The following PRR16 variants were observed in gnomAD, a reference collection of about 807,000 sequenced individuals.
The protein encoded by PRR16 is protein Largen.
Under a neutral mutation model 18.2 loss-of-function variants are expected in PRR16, and 6 were observed. That is an observed-to-expected ratio of 0.33 (90% CI 0.18 to 0.65). The LOEUF (loss-of-function observed/expected upper bound fraction) is 0.65, where lower values mean the gene tolerates loss of function less well. Among genes scored for constraint, PRR16 ranks in the 30% least tolerant of loss-of-function variants. The pLI is 0.74. For missense variants in PRR16, 412 were observed against 376.6 expected (o/e 1.09, Z -0.78); for synonymous variants, 151 against 147.8 (o/e 1.02, Z -0.16).
chr5:120,490,472 G>A (rs1293079478), intron 1 of PRR16, among the ~76,000 whole-genome samples: 11 of 152,096 alleles, frequency 7.2e-5, no homozygotes, highest in Non-Finnish European at 1.0e-4. Context: ...TATTCGTCAC[G>A]TGGTTCTCGT....
the PRR16 span, among the ~76,000 whole-genome samples, chr5:120,742,876 C>T: frequency 1.3e-5 from 2 of 152,222 alleles, no homozygotes; most frequent in African/African-American, 2.4e-5. Flanking sequence ...CTAGAGGTTG[C>T]CCACATAACT....
At chr5:120,763,532 CTGTT>C in the PRR16 span, among the ~76,000 whole-genome samples, 15 of 152,144 alleles carry the variant, frequency 9.9e-5, no homozygotes, top group South Asian at 6.2e-4. Flanking sequence ...ATTGCTTTGA[CTGTT>C]TGAGCTTTCT....
chr5:120,545,895 T>C (rs921222159), intron 1 of PRR16, among the ~76,000 whole-genome samples: 2 of 152,104 alleles, frequency 1.3e-5, no homozygotes, highest in Non-Finnish European at 2.9e-5. Flanking sequence ...GCCAATTTCT[T>C]ATTAAGTAAT....
At chr5:120,784,056 T>G in the PRR16 span, among the ~76,000 whole-genome samples, 2 of 152,346 alleles carry the variant, frequency 1.3e-5, no homozygotes, top group East Asian at 3.9e-4. Context: ...ACTTTATGGC[T>G]GAATAATATT....
At chr5:120,753,738 A>G in the PRR16 span, among the ~76,000 whole-genome samples, 1 of 148,256 alleles carries the variant, frequency 6.7e-6, no homozygotes, top group Admixed American at 7.0e-5. Context: ...GAGATATATA[A>G]TATCATTATT....
intron 1 of PRR16, among the ~76,000 whole-genome samples, chr5:120,620,327 C>T (rs1338519396): frequency 3.3e-5 from 5 of 152,096 alleles, no homozygotes; most frequent in Non-Finnish European, 7.4e-5. Flanking sequence ...AACAGGCAGA[C>T]GAGCTTCATG....
intron 1 of PRR16, among the ~76,000 whole-genome samples, chr5:120,531,149 T>G (rs1427572057): frequency 6.6e-6 from 1 of 152,182 alleles, no homozygotes; most frequent in African/African-American, 2.4e-5. Flanking sequence ...TTACAAGTTG[T>G]CTGTTCCCAT....
intron 1 of PRR16, among the ~76,000 whole-genome samples, chr5:120,663,826 G>A (rs1489840573): frequency 6.6e-6 from 1 of 152,066 alleles, no homozygotes; most frequent in South Asian, 2.1e-4. Context: ...AAAACAACTT[G>A]TAATAGAAAG....
chr5:120,623,621 C>T (rs558216973), intron 1 of PRR16, among the ~76,000 whole-genome samples: 2 of 152,122 alleles, frequency 1.3e-5, no homozygotes, highest in Admixed American at 1.3e-4. Flanking sequence ...TTTACCCTTA[C>T]CCATGTTATC....
the PRR16 span, among the ~76,000 whole-genome samples, chr5:120,715,978 C>T: frequency 6.6e-6 from 1 of 152,110 alleles, no homozygotes; most frequent in Non-Finnish European, 1.5e-5. Flanking sequence ...AGGGTTTAGG[C>T]TTTAGCAGTG....
At chr5:120,656,022 C>T (rs1228337229) in intron 1 of PRR16, among the ~76,000 whole-genome samples, 1 of 151,778 alleles carries the variant, frequency 6.6e-6, no homozygotes, top group Non-Finnish European at 1.5e-5. Context: ...GCAGTTGCCA[C>T]CAGGTGGTGC....
intron 1 of PRR16, among the ~76,000 whole-genome samples, chr5:120,621,779 A>G (rs1754698049): frequency 6.6e-6 from 1 of 152,094 alleles, no homozygotes. Flanking sequence ...CCTGGCCTTC[A>G]CCATGATTGT....
chr5:120,483,694 C>T (rs1405578604), intron 1 of PRR16, among the ~76,000 whole-genome samples: 1 of 151,952 alleles, frequency 6.6e-6, no homozygotes, highest in Non-Finnish European at 1.5e-5. Context: ...AGTAAATTCA[C>T]AAATATATCA....
intron 1 of PRR16, among the ~76,000 whole-genome samples, chr5:120,622,764 A>C (rs1396357680): frequency 2.6e-5 from 4 of 152,052 alleles, no homozygotes; most frequent in African/African-American, 9.7e-5. Flanking sequence ...GACGTGAGCC[A>C]CCACGCCCAG....
chr5:120,775,796 ATTT>A, the PRR16 span, among the ~76,000 whole-genome samples: 3,967 of 80,518 alleles, frequency 0.049, 80 homozygotes, highest in African/African-American at 0.15. Context: ...ACGCCTGGCT[ATTT>A]TTTTTTTTTT....
At chr5:120,546,993 G>A (rs976986281) in intron 1 of PRR16, among the ~76,000 whole-genome samples, 1 of 152,092 alleles carries the variant, frequency 6.6e-6, no homozygotes, top group African/African-American at 2.4e-5. Flanking sequence ...GAACTTTCTA[G>A]AAAAGAGATG....
At chr5:120,488,814 C>G (rs1490918333) in intron 1 of PRR16, among the ~76,000 whole-genome samples, 1 of 152,080 alleles carries the variant, frequency 6.6e-6, no homozygotes, top group African/African-American at 2.4e-5. Context: ...CTACACACTG[C>G]TTTGAATGTG....
chr5:120,576,755 A>G (rs1373341080), intron 1 of PRR16, among the ~76,000 whole-genome samples: 1 of 152,020 alleles, frequency 6.6e-6, no homozygotes, highest in African/African-American at 2.4e-5. Context: ...TCAGACTGGA[A>G]TTTACACCAT....
chr5:120,692,316 C>G (rs779024632), downstream of PRR16, among the ~76,000 whole-genome samples: 1 of 152,166 alleles, frequency 6.6e-6, no homozygotes, highest in Non-Finnish European at 1.5e-5. Flanking sequence ...CGAACTCTGT[C>G]AGAGTTCACC....
Sources: gnomAD v4.1 joint callset for allele counts (sites outside exome capture counted in the v4.1 genomes callset) on GRCh38, gnomAD v4.1.1 for gene constraint, MANE v1.5 for transcripts, NCBI Gene and HGNC (gene_info 2026-07-23, HGNC 2026-07-21) for gene names.